Variants in NEUROG2 observed in about 807,000 individuals in gnomAD.
NEUROG2 encodes neurogenin-2.
In NEUROG2, 1 loss-of-function variant was observed where a neutral mutation model predicts 2.8. The observed-to-expected ratio is 0.36, with a 90% CI of 0.13 to 1.71. NEUROG2 has a LOEUF of 1.71. Among genes scored for constraint, NEUROG2 ranks in the 40% most tolerant of loss-of-function variants. The pLI is 0.34. For missense variants in NEUROG2, 397 were observed against 392.7 expected, an observed-to-expected ratio of 1.01 and a Z score of -0.09; for synonymous variants, 211 against 187.7, an observed-to-expected ratio of 1.12 and a Z score of -1.01.
Position 112,515,244 on chromosome 4 carries a change from G to A in NEUROG2, c.232C>T (p.Arg78Trp), listed in dbSNP as rs372175039. The A allele has an allele frequency of 4.1e-5, 65 of 1,587,932 alleles. 2 individuals carry two copies. The highest frequency in any genetic ancestry group is 2.0e-5 in the Non-Finnish European group (24 of 1,173,930). ...CAATCGTGTACCAGACCCAGCAGCC[G>A]TGCGGGCCGGCAGCCCTCCGCACCC... ...AAGAEGCRPA[R>W]LLGLVHDCKR... Residue 78 changes from arginine (R) to tryptophan (W), a missense_variant, in exon 2 of 2, where the codon CGG becomes TGG. Physicochemically the swap from Arg to Trp is moderately radical, Grantham distance 101 (BLOSUM62 -3). Transcript: ENST00000313341.
rs779437773 is a variant in NEUROG2 at position 112,514,783 on chromosome 4, G to A, written c.693C>T (p.Thr231=). 8.7e-5 allele frequency: 135 copies of A among 1,551,148 alleles called. No individual in the cohort carries two copies. Among genetic ancestry groups the A allele is most frequent in the Admixed American group, 2.1e-4 (10 of 47,214 alleles). Residue 231 remains threonine (T), a synonymous_variant, in exon 2 of 2, where the codon ACC becomes ACT. Transcript: ENST00000313341. The part of the protein sequence containing the change: ...APSSSVSSNS[T]SPYSCTLSPA... ...GCGATAAAGTGCAGCTGTAGGGGGA[G>A]GTGGAATTGGAGGACACGGAGGAGG...
At position 112,513,823 on chromosome 4, in the gene NEUROG2, T is replaced by C. The variant is rs1415713535; in HGVS notation, c.*834A>G. ...GCAATCCTCCCTCCTGATTTTTCCC[T>C]TTTCCTCCACATTTTTCCTTTTGAT... is the stretch of plus-strand genomic sequence containing the variant. On this transcript the variant is annotated 3_prime_UTR_variant, in exon 2 of 2. Coordinates refer to ENST00000313341, the MANE Select transcript of NEUROG2 (RefSeq NM_024019.4). 1 of 152,670 alleles carries C rather than the reference T, an allele frequency of 6.6e-6. No individual in the cohort carries two copies. The highest frequency in any genetic ancestry group is 1.5e-5 in the Non-Finnish European group (1 of 68,048). The allele number at this position is 152,670 out of a possible 1,614,324, so 9.5% of individuals were successfully genotyped here. A position where few individuals can be genotyped will look rare whatever the true frequency, so the allele number is the denominator to read the frequency against.
Position 112,515,017 on chromosome 4 carries a change from G to T in NEUROG2, c.459C>A (p.Thr153=). Reference sequence around the variant, plus strand: ...AGATGTAGTTGTGGGCGAAGCGCAGGGTCTCGATCTTGGTGAGCTTGGCGT... The same window carrying T: ...AGATGTAGTTGTGGGCGAAGCGCAGTGTCTCGATCTTGGTGAGCTTGGCGT... ...PEDAKLTKIE[T]LRFAHNYIWA... Residue 153 remains threonine (T), a synonymous_variant, in exon 2 of 2, where the codon ACC becomes ACA. Transcript: ENST00000313341. 6.2e-7 allele frequency: 1 copy of T among 1,613,984 alleles called. No homozygotes were observed. The highest frequency in any genetic ancestry group is 8.5e-7 in the Non-Finnish European group (1 of 1,179,912).
rs1446788062 is a variant in NEUROG2 at position 112,515,150 on chromosome 4, A to G, written c.326T>C (p.Ile109Thr). The G allele has an allele frequency of 1.9e-6, 3 of 1,613,468 alleles. No individual in the cohort carries two copies. In the South Asian group the frequency reaches 3.3e-5, roughly 18 times the overall value. Residue 109 changes from isoleucine (I) to threonine (T), a missense_variant, in exon 2 of 2, where the codon ATC (isoleucine) becomes ACC (threonine). Coordinates refer to ENST00000313341, the MANE Select transcript of NEUROG2 (RefSeq NM_024019.4). ...GAKTAETVQR[I>T]KKTRRLKANN... is the part of the protein sequence containing the mutation. Reference sequence around the variant, plus strand: ...GGCCTTCAGTCTACGGGTCTTCTTGATGCGCTGCACCGTCTCGGCCGTCTT... The same window carrying G: ...GGCCTTCAGTCTACGGGTCTTCTTGGTGCGCTGCACCGTCTCGGCCGTCTT...
rs1014503950 is a variant in NEUROG2, at chr4:112,514,836, A to T, written c.640T>A (p.Trp214Arg). Residue 214 changes from tryptophan (W) to arginine (R), a missense_variant, in exon 2 of 2, where the codon TGG becomes AGG. Trp to Arg is a moderately radical substitution (Grantham distance 101, BLOSUM62 -3). Transcript: ENST00000313341. ...SGDSPSPAST[W>R]SCTNSPAPSS... The stretch of plus-strand genomic sequence containing the variant: ...GGCGCGGGGCTGTTGGTGCAACTCC[A>T]CGTGGAGGCGGGCGAGGGGCTGTCT... 4 of 1,590,486 alleles carry T rather than the reference A, an allele frequency of 2.5e-6. No homozygotes were observed. Among genetic ancestry groups the T allele is most frequent in the Non-Finnish European group, 3.4e-6 (4 of 1,172,082 alleles).
chr4:112,515,286 G>A lies in NEUROG2; in HGVS notation c.190C>T (p.Arg64Trp), dbSNP rs2148785799. 2 of 1,489,004 alleles carry A rather than the reference G, an allele frequency of 1.3e-6. No individual in the cohort carries two copies. Among genetic ancestry groups the A allele is most frequent in the East Asian group, 5.6e-5 (2 of 35,682 alleles). 92.2% of individuals were successfully genotyped at this position (1,489,004 alleles called of 1,614,324 possible). Residue 64 changes from arginine to tryptophan, a missense_variant, in exon 2 of 2, where the codon CGG (arginine) becomes TGG (tryptophan). Physicochemically the swap from Arg to Trp is moderately radical, Grantham distance 101. Transcript: ENST00000313341. Reference sequence around the variant, plus strand: ...TCCGCACCCGCAGCCACGCCGCCCCGCGCCCCCTGCCCGGCCTCAGCCCCG... The same window carrying A: ...TCCGCACCCGCAGCCACGCCGCCCCACGCCCCCTGCCCGGCCTCAGCCCCG... ...QRGAEAGQGA[R>W]GGVAAGAEGC...
chr4:112,515,227 T>C lies in NEUROG2; in HGVS notation c.249A>G (p.Val83=). 1 of 1,602,942 alleles carries C rather than the reference T, an allele frequency of 6.2e-7. No individual in the cohort carries two copies. ...GCRPARLLGL[V]HDCKRRPSRA... ...GGGAAGGGCGCCGTTTGCAATCGTGTACCAGACCCAGCAGCCGTGCGGGCC... is the reference window on the plus strand; with the variant it reads ...GGGAAGGGCGCCGTTTGCAATCGTGCACCAGACCCAGCAGCCGTGCGGGCC... Residue 83 remains valine (V), a synonymous_variant, in exon 2 of 2, where the codon GTA becomes GTG. Transcript: ENST00000313341.
intron 1 of NEUROG2, 168 bp from the exon 2 acceptor site, chr4:112,515,644 A>C: frequency 3.3e-5 from 16 of 478,402 alleles, no homozygotes; most frequent in East Asian, 7.9e-5. Context: ...AACCAAGGTC[A>C]GGAGCGCCGC....
Position 112,515,496 on chromosome 4 carries a change from G to T in NEUROG2, c.-1-20C>A, listed in dbSNP as rs751808782. On this transcript the variant is annotated intron_variant, in intron 1 of 1. Coordinates refer to ENST00000313341, the MANE Select transcript of NEUROG2 (RefSeq NM_024019.4). Reference sequence around the variant, plus strand: ...AACATCCTACCGAAGAGAGAAAGGGGAAAAAGGCAGTGAGGTGTAAGGAAA... The same window carrying T: ...AACATCCTACCGAAGAGAGAAAGGGTAAAAAGGCAGTGAGGTGTAAGGAAA... The T allele has an allele frequency of 6.6e-7, 1 of 1,504,068 alleles. No homozygotes were observed. Among genetic ancestry groups the T allele is most frequent in the South Asian group, 1.3e-5 (1 of 76,436 alleles). 93.2% of individuals were successfully genotyped at this position (1,504,068 alleles called of 1,614,324 possible). A position where few individuals can be genotyped will look rare whatever the true frequency, so the allele number is the denominator to read the frequency against.
chr4:112,514,852 G>A lies in NEUROG2; in HGVS notation c.624C>T (p.Pro208=). The A allele has an allele frequency of 6.3e-7, 1 of 1,593,956 alleles. No individual in the cohort carries two copies. The highest frequency in any genetic ancestry group is 8.5e-7 in the Non-Finnish European group (1 of 1,173,582). The change falls in exon 2 of 2, where the codon CCC becomes CCT. Residue 208 remains proline, a synonymous_variant. Coordinates refer to ENST00000313341, the MANE Select transcript of NEUROG2 (RefSeq NM_024019.4). ...SAALSSSGDS[P]SPASTWSCTN... is the part of the protein sequence containing the mutation. ...TGCAACTCCACGTGGAGGCGGGCGA[G>A]GGGCTGTCTCCGCTGCTGCTCAGGG...
chr4:112,513,551 A>G lies in NEUROG2; in HGVS notation c.*1106T>C, dbSNP rs1560711432. 1 of 152,678 alleles carries G rather than the reference A, an allele frequency of 6.5e-6. No individual in the cohort carries two copies. Among genetic ancestry groups the G allele is most frequent in the African/African-American group, 2.4e-5 (1 of 41,468 alleles). 9.5% of individuals were successfully genotyped at this position (152,678 alleles called of 1,614,324 possible). Reference sequence around the variant, plus strand: ...TAGATAGTTTATTTATAGTTTAATCACAAGAACAACTTTCTTGTTCTTCAA... The same window carrying G: ...TAGATAGTTTATTTATAGTTTAATCGCAAGAACAACTTTCTTGTTCTTCAA... On this transcript the variant is annotated 3_prime_UTR_variant, in exon 2 of 2. Coordinates refer to ENST00000313341, the MANE Select transcript of NEUROG2 (RefSeq NM_024019.4).
Position 112,515,366 on chromosome 4 carries a change from G to A in NEUROG2, c.110C>T (p.Ala37Val). 1 of 1,507,014 alleles carries A rather than the reference G, an allele frequency of 6.6e-7. No homozygotes were observed. Among genetic ancestry groups the A allele is most frequent in the South Asian group, 1.3e-5 (1 of 76,828 alleles). 93.4% of individuals were successfully genotyped at this position (1,507,014 alleles called of 1,614,324 possible). A position where few individuals can be genotyped will look rare whatever the true frequency, so the allele number is the denominator to read the frequency against. The change falls in exon 2 of 2, where the codon GCC (alanine) becomes GTC (valine). Residue 37 changes from alanine to valine, a missense_variant. Coordinates refer to ENST00000313341, the MANE Select transcript of NEUROG2 (RefSeq NM_024019.4). ...LAALTPLSSS[A>V]DEEEEEEPGA... ...CGGCTCCTCCTCCTCTTCTTCGTCG[G>A]CGCTGGATGACAGCGGGGTCAGGGC...
rs1455994091 is a variant in NEUROG2, at chr4:112,514,083, A to G, written c.*574T>C. 6.5e-6 allele frequency: 1 copy of G among 152,764 alleles called. No individual in the cohort carries two copies. The highest frequency in any genetic ancestry group is 2.1e-4 in the South Asian group (1 of 4,836). 9.5% of individuals were successfully genotyped at this position (152,764 alleles called of 1,614,324 possible). On this transcript the variant is annotated 3_prime_UTR_variant, in exon 2 of 2. Coordinates refer to ENST00000313341, the MANE Select transcript of NEUROG2 (RefSeq NM_024019.4). ...ATCAGAGAGGGAAGTTTGGTTTGAC[A>G]GGTGAAATTCCCACAGCCTGCAGAC...
chr4:112,514,845 C>A lies in NEUROG2; in HGVS notation c.631G>T (p.Ala211Ser), dbSNP rs762612614. The change falls in exon 2 of 2, where the codon GCC (alanine) becomes TCC (serine). Residue 211 changes from alanine (A) to serine (S), a missense_variant. Transcript: ENST00000313341. ...CTGTTGGTGCAACTCCACGTGGAGGCGGGCGAGGGGCTGTCTCCGCTGCTG... is the reference window on the plus strand; with the variant it reads ...CTGTTGGTGCAACTCCACGTGGAGGAGGGCGAGGGGCTGTCTCCGCTGCTG... The part of the protein sequence containing the change: ...LSSSGDSPSP[A>S]STWSCTNSPA... 1.3e-6 allele frequency: 2 copies of A among 1,590,410 alleles called. No homozygotes were observed. Among genetic ancestry groups the A allele is most frequent in the Non-Finnish European group, 1.7e-6 (2 of 1,172,068 alleles).
chr4:112,514,829 C>A lies in NEUROG2; in HGVS notation c.647G>T (p.Cys216Phe). The change falls in exon 2 of 2, where the codon TGC becomes TTC. Residue 216 changes from cysteine to phenylalanine, a missense_variant. By Grantham distance (205) the Cys-to-Phe change is radical. Coordinates refer to ENST00000313341, the MANE Select transcript of NEUROG2 (RefSeq NM_024019.4). ...GGAGGACGGCGCGGGGCTGTTGGTG[C>A]AACTCCACGTGGAGGCGGGCGAGGG... ...DSPSPASTWS[C>F]TNSPAPSSSV... is the part of the protein sequence containing the mutation. 6.3e-7 allele frequency: 1 copy of A among 1,586,806 alleles called. No homozygotes were observed. The highest frequency in any genetic ancestry group is 1.1e-5 in the South Asian group (1 of 87,174).
In NEUROG2 at chr4:112,514,468, C is replaced by T. The variant is rs1460456614; in HGVS notation, c.*189G>A. On this transcript the variant is annotated 3_prime_UTR_variant, in exon 2 of 2. Transcript: ENST00000313341. ...ACACCTTCAGTAAATCAGAGCCCGT[C>T]TGAATGAAGGATACCCAAAGCCAAG... 1 of 452,328 alleles carries T rather than the reference C, an allele frequency of 2.2e-6. No individual in the cohort carries two copies. Among genetic ancestry groups the T allele is most frequent in the Non-Finnish European group, 3.7e-6 (1 of 269,092 alleles). 28.0% of individuals were successfully genotyped at this position (452,328 alleles called of 1,614,324 possible). A position where few individuals can be genotyped will look rare whatever the true frequency, so the allele number is the denominator to read the frequency against.
chr4:112,515,331 C>G lies in NEUROG2; in HGVS notation c.145G>C (p.Gly49Arg). 1 of 1,444,938 alleles carries G rather than the reference C, an allele frequency of 6.9e-7. No homozygotes were observed. The highest frequency in any genetic ancestry group is 9.1e-7 in the Non-Finnish European group (1 of 1,104,214). The allele number at this position is 1,444,938 out of a possible 1,614,324, so 89.5% of individuals were successfully genotyped here. A position where few individuals can be genotyped will look rare whatever the true frequency, so the allele number is the denominator to read the frequency against. The change falls in exon 2 of 2, where the codon GGC becomes CGC. Residue 49 changes from glycine (G) to arginine (R), a missense_variant. By Grantham distance (125) the Gly-to-Arg change is moderately radical. Transcript: ENST00000313341. ...GCCCCGCGCTGCCGACGCGCCCCGC[C>G]TGACGCGCCCGGCTCCTCCTCCTCT... ...EEEEEEPGASGGARRQRGAEA... is the reference protein window; with the variant it reads ...EEEEEEPGASRGARRQRGAEA...
At position 112,514,864 on chromosome 4, in the gene NEUROG2, G is replaced by A. The variant is rs138686431; in HGVS notation, c.612C>T (p.Ser204=). ...PGGASAALSS[S]GDSPSPASTW... ...TGGAGGCGGGCGAGGGGCTGTCTCC[G>A]CTGCTGCTCAGGGCGGCGCTGGCTC... is the stretch of plus-strand genomic sequence containing the variant. Residue 204 remains serine (S), a synonymous_variant, in exon 2 of 2, where the codon AGC becomes AGT. Transcript: ENST00000313341. 5.4e-5 allele frequency: 86 copies of A among 1,597,596 alleles called. No homozygotes were observed. In the African/African-American group the frequency reaches 1.1e-3, roughly 20 times the overall value.
rs574782642 is a variant in NEUROG2 at position 112,515,020 on chromosome 4, C to T, written c.456G>A (p.Glu152=). The change falls in exon 2 of 2, where the codon GAG becomes GAA. Residue 152 remains glutamate, a synonymous_variant. Coordinates refer to ENST00000313341, the MANE Select transcript of NEUROG2 (RefSeq NM_024019.4). ...TGTAGTTGTGGGCGAAGCGCAGGGT[C>T]TCGATCTTGGTGAGCTTGGCGTCCT... ...FPEDAKLTKI[E]TLRFAHNYIW... 3.0e-5 allele frequency: 48 copies of T among 1,613,960 alleles called. No individual in the cohort carries two copies. The East Asian group carries it at 1.0e-3, about 34-fold the overall frequency.
Sources: gnomAD v4.1 joint callset for allele counts on GRCh38, gnomAD v4.1.1 for gene constraint, MANE v1.5 for transcripts, NCBI Gene and HGNC (gene_info 2026-07-23, HGNC 2026-07-21) for gene names.